PKHD1L1: variants seen among roughly 807,000 people sequenced by gnomAD.
The protein encoded by PKHD1L1 is PKHD1 like 1, also known as fibrocystin-L.
A neutral mutation model predicts 462.9 loss-of-function variants in PKHD1L1; 434 were observed. The ratio of observed to expected loss-of-function variants is 0.94; its 90% confidence interval spans 0.87 to 1.02. PKHD1L1 has a LOEUF of 1.02. PKHD1L1 is among the 50% of genes least tolerant of loss of function. The pLI is 0.00. For synonymous variants in PKHD1L1, 1,781 were observed against 1,750.0 expected, an observed-to-expected ratio of 1.02 and a Z score of -0.44; for missense variants, 5,202 against 5,096.1, an observed-to-expected ratio of 1.02 and a Z score of -0.63.
At chr8:109,453,595 A>G (rs1816659966) in intron 43 of PKHD1L1, among the ~76,000 whole-genome samples, 1 of 152,172 alleles carries the variant, frequency 6.6e-6, no homozygotes, top group South Asian at 2.1e-4. Context: ...GAAAAGTTTC[A>G]GGTTTTTGAA....
intron 21 of PKHD1L1, among the ~76,000 whole-genome samples, chr8:109,415,040 G>T (rs535754860): frequency 6.6e-6 from 1 of 150,784 alleles, no homozygotes; most frequent in African/African-American, 2.4e-5. Flanking sequence ...TTCTGTCACC[G>T]TGGCTGGAGT....
chr8:109,368,230 T>G (rs562943230), intron 2 of PKHD1L1, among the ~76,000 whole-genome samples: 2 of 152,346 alleles, frequency 1.3e-5, no homozygotes, highest in Non-Finnish European at 2.9e-5. Flanking sequence ...TCTAGCTATT[T>G]CCCTTACAAT....
chr8:109,490,837 A>G (rs967664790), intron 60 of PKHD1L1, 135 bp from the exon 61 acceptor site: 26 of 721,470 alleles, frequency 3.6e-5, no homozygotes, highest in Non-Finnish European at 5.1e-5. Context: ...TTATGGAGAA[A>G]TCATCTTTAA....
intron 50 of PKHD1L1, among the ~76,000 whole-genome samples, chr8:109,472,535 C>T (rs1226701473): frequency 6.6e-6 from 1 of 152,052 alleles, no homozygotes; most frequent in Non-Finnish European, 1.5e-5. Flanking sequence ...AGTTACTAAA[C>T]TGTGAATACC....
At chr8:109,476,770 C>A in intron 52 of PKHD1L1, 103 bp downstream of exon 52, 1 of 983,348 alleles carries the variant, frequency 1.0e-6, no homozygotes, top group East Asian at 3.1e-5. Flanking sequence ...TTAATATATA[C>A]AGGATCCAAT....
intron 9 of PKHD1L1, among the ~76,000 whole-genome samples, chr8:109,392,497 C>T (rs1361762528): frequency 1.3e-5 from 2 of 151,864 alleles, no homozygotes; most frequent in African/African-American, 4.8e-5. Flanking sequence ...TTCCACCCCC[C>T]ACCCATTTTT....
intron 67 of PKHD1L1, among the ~76,000 whole-genome samples, chr8:109,502,251 C>G (rs1819458838): frequency 6.6e-6 from 1 of 152,180 alleles, no homozygotes; most frequent in South Asian, 2.1e-4. Flanking sequence ...TGTGGGCCAT[C>G]ACTATTTCCA....
intron 71 of PKHD1L1, among the ~76,000 whole-genome samples, chr8:109,513,994 C>A (rs1473089204): frequency 2.0e-5 from 3 of 152,116 alleles, no homozygotes; most frequent in African/African-American, 7.2e-5. Context: ...AACCCTGTAA[C>A]AATTTCCCTA....
At chr8:109,420,471 C>A in intron 22 of PKHD1L1, 47 bp from the exon 23 acceptor site, 1 of 1,283,074 alleles carries the variant, frequency 7.8e-7, no homozygotes, top group South Asian at 2.0e-5. Context: ...TGGCAAAAAC[C>A]ACAGTTACTT....
chr8:109,439,981 G>T (rs1815681038), intron 32 of PKHD1L1, among the ~76,000 whole-genome samples: 1 of 152,048 alleles, frequency 6.6e-6, no homozygotes, highest in African/African-American at 2.4e-5. Context: ...TTATGCTGTA[G>T]CTTGACCATA....
rs1820586424 is a variant in PKHD1L1 at position 109,522,231 on chromosome 8, G to A, written c.12077G>A (p.Gly4026Glu). ...CTCCAGGAAATTGCTGGTTCTCTTG[G>A]ACAAGCTGTAATTTTAGGAAACATC... ...SELQEIAGSL[G>E]QAVILGNISS... Residue 4026 changes from glycine (G) to glutamate (E), a missense_variant, in exon 74 of 78, where the codon GGA becomes GAA. Around this residue, in one of 3 missense-constraint regions of PKHD1L1, gnomAD observed 698 missense variants for 736.3 expected, o/e 0.95. Coordinates refer to ENST00000378402, the MANE Select transcript of PKHD1L1 (RefSeq NM_177531.6). 6.2e-7 allele frequency: 1 copy of A among 1,605,072 alleles called. No homozygotes were observed. Among genetic ancestry groups the A allele is most frequent in the Non-Finnish European group, 8.5e-7 (1 of 1,172,910 alleles).
chr8:109,388,630 A>G (rs1812554415), intron 7 of PKHD1L1, 80 bp downstream of exon 7: 1 of 909,938 alleles, frequency 1.1e-6, no homozygotes, highest in Non-Finnish European at 1.7e-6. Flanking sequence ...ATTGCTACCA[A>G]TACTGCATAG....
intron 21 of PKHD1L1, among the ~76,000 whole-genome samples, chr8:109,415,721 C>T (rs1428380500): frequency 6.6e-6 from 1 of 151,854 alleles, no homozygotes; most frequent in Non-Finnish European, 1.5e-5. Context: ...TGGTGGTGCA[C>T]ACCTGTGGTC....
Position 109,450,972 on chromosome 8 carries a change from T to C in PKHD1L1, c.6176-3T>C. ...TGCATTCAGTCTGATCTTCCTTTCA[T>C]AGGCACGGGAGCTGAGCAAGCCTGT... is the stretch of plus-strand genomic sequence containing the variant. On this transcript the variant is annotated splice_region_variant and splice_polypyrimidine_tract_variant and intron_variant, in intron 40 of 77. Transcript: ENST00000378402. 6.3e-7 allele frequency: 1 copy of C among 1,589,280 alleles called. No homozygotes were observed. The highest frequency in any genetic ancestry group is 8.6e-7 in the Non-Finnish European group (1 of 1,161,932).
At chr8:109,469,615 A>G (rs1402595536) in intron 50 of PKHD1L1, among the ~76,000 whole-genome samples, 1 of 152,172 alleles carries the variant, frequency 6.6e-6, no homozygotes, top group Non-Finnish European at 1.5e-5. Context: ...TTATGATGAT[A>G]TAAGTTATTA....
At chr8:109,370,046 CA>C (rs1400788603) in intron 2 of PKHD1L1, among the ~76,000 whole-genome samples, 3 of 152,184 alleles carry the variant, frequency 2.0e-5, no homozygotes, top group Non-Finnish European at 4.4e-5. Context: ...CAGCTAAGAA[CA>C]TAAGGGCTGG....
At position 109,492,034 on chromosome 8, in the gene PKHD1L1, A is replaced by G. The variant is rs563285983; in HGVS notation, c.10236+40A>G. On this transcript the variant is annotated intron_variant, in intron 62 of 77. Coordinates refer to ENST00000378402, the MANE Select transcript of PKHD1L1 (RefSeq NM_177531.6). ...CTTATAATTATACTAATTTATAATT[A>G]TATCAGTTATTGAAAAATATCTAAT... 1.1e-3 allele frequency: 1,513 copies of G among 1,342,968 alleles called. 1 individual carries two copies. The highest frequency in any genetic ancestry group is 1.4e-3 in the Non-Finnish European group (1,415 of 1,009,092). 83.2% of individuals were successfully genotyped at this position (1,342,968 alleles called of 1,614,324 possible). A position where few individuals can be genotyped will look rare whatever the true frequency, so the allele number is the denominator to read the frequency against.
At chr8:109,499,770 T>C (rs1413462832) in intron 67 of PKHD1L1, among the ~76,000 whole-genome samples, 1 of 152,082 alleles carries the variant, frequency 6.6e-6, no homozygotes, top group African/African-American at 2.4e-5. Flanking sequence ...GAACACCTAG[T>C]AGAAAGGGAA....
chr8:109,484,337 T>C (rs1189567551), intron 57 of PKHD1L1, among the ~76,000 whole-genome samples: 3 of 151,872 alleles, frequency 2.0e-5, no homozygotes, highest in African/African-American at 4.8e-5. Context: ...TTTCTAGGCA[T>C]TGGGGATTTA....
Sources: allele counts gnomAD v4.1 joint callset (sites outside exome capture counted in the v4.1 genomes callset), GRCh38; gene constraint gnomAD v4.1.1; regional missense constraint gnomAD v4.1.1; transcripts MANE v1.5; gene names NCBI Gene and HGNC (gene_info 2026-07-23, HGNC 2026-07-21).